MYORG: variants seen among roughly 807,000 people sequenced by gnomAD.
MYORG encodes the protein alpha-galactosidase MYORG.
A neutral mutation model predicts 49.8 loss-of-function variants in MYORG; 45 were observed. That is an observed-to-expected ratio of 0.90 (90% CI 0.71 to 1.16). The LOEUF is 1.16. MYORG is among the 50% of genes most tolerant of loss of function. MYORG has a pLI of 0.00. For missense variants in MYORG, 1,110 were observed against 1,026.5 expected (o/e 1.08, Z -1.11); for synonymous variants, 552 against 462.9 (o/e 1.19, Z -2.47).
Position 34,372,139 on chromosome 9 carries a change from G to T in MYORG, c.805C>A (p.Pro269Thr). ...GGCGCTGCGGCGCGGCCGGCGGGTGGCTTGTAGGGCGTGTCGTGGTAGCGC... is the reference window on the plus strand; with the variant it reads ...GGCGCTGCGGCGCGGCCGGCGGGTGTCTTGTAGGGCGTGTCGTGGTAGCGC... ...QARYHDTPYKPPAGRAAAPEL... is the reference protein window; with the variant it reads ...QARYHDTPYKTPAGRAAAPEL... Residue 269 changes from proline to threonine, a missense_variant, in exon 2 of 2, where the codon CCA becomes ACA. Coordinates refer to ENST00000297625, the MANE Select transcript of MYORG (RefSeq NM_020702.5). 6.2e-7 allele frequency: 1 copy of T among 1,611,776 alleles called. No homozygotes were observed. The highest frequency in any genetic ancestry group is 8.5e-7 in the Non-Finnish European group (1 of 1,179,660).
rs767441935 is a variant in MYORG at position 34,371,788 on chromosome 9, G to T, written c.1156C>A (p.Arg386Ser). 6.2e-7 allele frequency: 1 copy of T among 1,613,922 alleles called. No individual in the cohort carries two copies. The highest frequency in any genetic ancestry group is 8.5e-7 in the Non-Finnish European group (1 of 1,179,814). Residue 386 changes from arginine to serine, a missense_variant, in exon 2 of 2, where the codon CGC becomes AGC. Coordinates refer to ENST00000297625, the MANE Select transcript of MYORG (RefSeq NM_020702.5). ...AAAGGGTGCACCCAGAGCGTGACGC[G>T]GAAGCCGGCGTCGCGCAGGCGGCGG... Reference protein sequence around the residue: ...MFRRLRDAGFRVTLWVHPFVN... With the variant: ...MFRRLRDAGFSVTLWVHPFVN...
At position 34,376,260 on chromosome 9, in the gene MYORG, C is replaced by CTG. The variant is rs1820714349; in HGVS notation, c.-64+531_-64+532dup. On this transcript the variant is annotated intron_variant, in intron 1 of 1. Transcript: ENST00000297625. The surrounding 1 kb of genome is among the most constrained non-coding windows in gnomAD (Gnocchi z 4.4). ...GTACCGGGGCTTTGGGGGAGGAAGT[C>CTG]TGTGGTTCCGGTGTTAACAGTGGTG... is the stretch of plus-strand genomic sequence containing the variant. Among the ~76,000 whole-genome samples, 1 of 152,200 alleles carries CTG rather than the reference C, an allele frequency of 6.6e-6. No individual in the cohort carries two copies. The highest frequency in any genetic ancestry group is 2.4e-5 in the African/African-American group (1 of 41,444).
rs1223552872 is a variant in MYORG at position 34,372,927 on chromosome 9, T to C, written c.17A>G (p.Gln6Arg). The C allele has an allele frequency of 6.2e-7, 1 of 1,613,636 alleles. No homozygotes were observed. The highest frequency in any genetic ancestry group is 8.5e-7 in the Non-Finnish European group (1 of 1,179,736). The change falls in exon 2 of 2, where the codon CAG (glutamine) becomes CGG (arginine). Residue 6 changes from glutamine to arginine, a missense_variant. Physicochemically the swap from Gln to Arg is conservative, Grantham distance 43 (BLOSUM62 1). Coordinates refer to ENST00000297625, the MANE Select transcript of MYORG (RefSeq NM_020702.5). MLQNP[Q>R]EKSQAYPRRR... The stretch of plus-strand genomic sequence containing the variant: ...GCGGGGGTAGGCCTGGCTCTTCTCC[T>C]GAGGGTTCTGGAGCATTAGTGGGCT...
chr9:34,372,166 C>T lies in MYORG; in HGVS notation c.778G>A (p.Ala260Thr), dbSNP rs1171268742. The part of the protein sequence containing the change: ...NSTERSLRLQ[A>T]RYHDTPYKPP... The stretch of plus-strand genomic sequence containing the variant: ...TTGTAGGGCGTGTCGTGGTAGCGCG[C>T]CTGAAGCCGCAGCGAGCGCTCCGTG... The change falls in exon 2 of 2, where the codon GCG becomes ACG. Residue 260 changes from alanine to threonine, a missense_variant. Transcript: ENST00000297625. The T allele has an allele frequency of 6.2e-7, 1 of 1,610,996 alleles. No individual in the cohort carries two copies. Among genetic ancestry groups the T allele is most frequent in the Non-Finnish European group, 8.5e-7 (1 of 1,179,270 alleles).
Position 34,369,052 on chromosome 9 carries a change from A to G in MYORG, c.*1747T>C, listed in dbSNP as rs1013605745. ...AGCAAAAGGGGAAACCTCTTATAAA[A>G]TCATCAGCTCTCATGAGATCTATTC... On this transcript the variant is annotated 3_prime_UTR_variant, in exon 2 of 2. Coordinates refer to ENST00000297625, the MANE Select transcript of MYORG (RefSeq NM_020702.5). 1 of 152,228 alleles carries G rather than the reference A, an allele frequency of 6.6e-6. No individual in the cohort carries two copies. Among genetic ancestry groups the G allele is most frequent in the Admixed American group, 6.5e-5 (1 of 15,286 alleles). 9.4% of individuals were successfully genotyped at this position (152,228 alleles called of 1,614,324 possible). A position where few individuals can be genotyped will look rare whatever the true frequency, so the allele number is the denominator to read the frequency against.
chr9:34,371,802 C>A lies in MYORG; in HGVS notation c.1142G>T (p.Arg381Leu), dbSNP rs1231067348. Residue 381 changes from arginine to leucine, a missense_variant, in exon 2 of 2, where the codon CGC (arginine) becomes CTC (leucine). Physicochemically the swap from Arg to Leu is moderately radical, Grantham distance 102 (BLOSUM62 -2). Transcript: ENST00000297625. The stretch of plus-strand genomic sequence containing the variant: ...GAGCGTGACGCGGAAGCCGGCGTCG[C>A]GCAGGCGGCGGAACATGTCGCTGGC... ...PNASDMFRRL[R>L]DAGFRVTLWV... is the part of the protein sequence containing the mutation. The A allele has an allele frequency of 1.9e-6, 3 of 1,613,870 alleles. No individual in the cohort carries two copies. The Admixed American group carries it at 5.0e-5, about 27-fold the overall frequency.
chr9:34,367,725 C>G lies in MYORG; in HGVS notation c.*3074G>C, dbSNP rs1820521933. 6.6e-6 allele frequency: 1 copy of G among 152,274 alleles called. No individual in the cohort carries two copies. The highest frequency in any genetic ancestry group is 1.5e-5 in the Non-Finnish European group (1 of 68,106). 9.4% of individuals were successfully genotyped at this position (152,274 alleles called of 1,614,324 possible). A position where few individuals can be genotyped will look rare whatever the true frequency, so the allele number is the denominator to read the frequency against. On this transcript the variant is annotated 3_prime_UTR_variant, in exon 2 of 2. Transcript: ENST00000297625. ...ACCCCTATGGCATTGCAGGGTACAG[C>G]CTACTTCTCGGTTGCTTTTACAGGC...
In MYORG at chr9:34,372,587, C is replaced by T. The variant is rs774344202; in HGVS notation, c.357G>A (p.Ala119=). The T allele has an allele frequency of 3.7e-6, 6 of 1,602,012 alleles. No homozygotes were observed. The highest frequency in any genetic ancestry group is 5.1e-6 in the Non-Finnish European group (6 of 1,174,896). Residue 119 remains alanine (A), a synonymous_variant, in exon 2 of 2, where the codon GCG becomes GCA. Coordinates refer to ENST00000297625, the MANE Select transcript of MYORG (RefSeq NM_020702.5). ...QVFRLAFRSG[A]LDLDSCSRDG... is the part of the protein sequence containing the mutation. ...CGCGGCTGCAGGAGTCAAGGTCCAG[C>T]GCGCCGGAGCGGAAGGCCAGGCGGA... is the stretch of plus-strand genomic sequence containing the variant.
rs900633992 is a variant in MYORG at position 34,367,037 on chromosome 9, A to C, written c.*3762T>G. The C allele has an allele frequency of 1.3e-5, 2 of 152,758 alleles. No homozygotes were observed. The highest frequency in any genetic ancestry group is 4.8e-5 in the African/African-American group (2 of 41,478). The allele number at this position is 152,758 out of a possible 1,614,324, so 9.5% of individuals were successfully genotyped here. On this transcript the variant is annotated 3_prime_UTR_variant, in exon 2 of 2. Transcript: ENST00000297625. The stretch of plus-strand genomic sequence containing the variant: ...AGAGGTTTAATGAACTCACAGTTCC[A>C]TGTGGCTGGGAGGCCTCACAATCAT...
In MYORG at chr9:34,372,680, A is replaced by C; in HGVS notation, c.264T>G (p.Leu88=). ...YSVSLRKAER[L]RAELLDLKAG... Reference sequence around the variant, plus strand: ...CTTTCAGGTCCAGCAGCTCCGCGCGAAGTCGCTCCGCCTTGCGTAGGGAGA... The same window carrying C: ...CTTTCAGGTCCAGCAGCTCCGCGCGCAGTCGCTCCGCCTTGCGTAGGGAGA... Residue 88 remains leucine (L), a synonymous_variant, in exon 2 of 2, where the codon CTT becomes CTG. Transcript: ENST00000297625. 1 of 1,609,802 alleles carries C rather than the reference A, an allele frequency of 6.2e-7. No individual in the cohort carries two copies. The highest frequency in any genetic ancestry group is 8.5e-7 in the Non-Finnish European group (1 of 1,178,146).
In MYORG at chr9:34,370,964, C is replaced by A. The variant is rs781663487; in HGVS notation, c.1980G>T (p.Leu660=). The part of the protein sequence containing the change: ...IDSQFLIGDT[L]LVAPVLEPGK... Reference sequence around the variant, plus strand: ...CTGGCTCCAGCACCGGGGCCACAAGCAGCGTGTCCCCAATAAGGAACTGCG... The same window carrying A: ...CTGGCTCCAGCACCGGGGCCACAAGAAGCGTGTCCCCAATAAGGAACTGCG... Residue 660 remains leucine (L), a synonymous_variant, in exon 2 of 2, where the codon CTG becomes CTT. Transcript: ENST00000297625. 6.2e-7 allele frequency: 1 copy of A among 1,613,586 alleles called. No homozygotes were observed. Among genetic ancestry groups the A allele is most frequent in the Admixed American group, 1.7e-5 (1 of 60,036 alleles).
Position 34,371,849 on chromosome 9 carries a change from G to C in MYORG, c.1095C>G (p.Phe365Leu). Residue 365 changes from phenylalanine to leucine, a missense_variant, in exon 2 of 2, where the codon TTC (phenylalanine) becomes TTG (leucine). Physicochemically the swap from Phe to Leu is conservative, Grantham distance 22. Coordinates refer to ENST00000297625, the MANE Select transcript of MYORG (RefSeq NM_020702.5). Reference protein sequence around the residue: ...MYTPAYGDFDFDEVKFPNASD... With the variant: ...MYTPAYGDFDLDEVKFPNASD... ...TGGCGTTGGGGAATTTGACCTCATC[G>C]AAGTCGAAGTCGCCATAAGCAGGTG... is the stretch of plus-strand genomic sequence containing the variant. The C allele has an allele frequency of 3.1e-6, 5 of 1,614,050 alleles. No homozygotes were observed. Among genetic ancestry groups the C allele is most frequent in the Non-Finnish European group, 4.2e-6 (5 of 1,179,872 alleles).
intron 1 of MYORG, among the ~76,000 whole-genome samples, chr9:34,373,775 C>T (rs539392109): frequency 6.0e-4 from 92 of 152,242 alleles, no homozygotes; most frequent in African/African-American, 2.0e-3. Context: ...TTTAACAGGG[C>T]GGTAGGCTAG....
At position 34,371,025 on chromosome 9, in the gene MYORG, A is replaced by G. The variant is rs1563981188; in HGVS notation, c.1919T>C (p.Ile640Thr). ...GTGAGCTGTCTCGTCGCCGGGCGCA[A>G]TCCACCAAAGGGGGCGCACGATAGG... ...GDPIVRPLWW[I>T]APGDETAHRI... The change falls in exon 2 of 2, where the codon ATT (isoleucine) becomes ACT (threonine). Residue 640 changes from isoleucine to threonine, a missense_variant. Coordinates refer to ENST00000297625, the MANE Select transcript of MYORG (RefSeq NM_020702.5). 1 of 1,613,136 alleles carries G rather than the reference A, an allele frequency of 6.2e-7. No homozygotes were observed. Among genetic ancestry groups the G allele is most frequent in the Non-Finnish European group, 8.5e-7 (1 of 1,179,852 alleles).
Position 34,372,617 on chromosome 9 carries a change from C to T in MYORG, c.327G>A (p.Gln109=), listed in dbSNP as rs552439888. ...GFSIRNQKGE[Q]VFRLAFRSGA... is the part of the protein sequence containing the mutation. The stretch of plus-strand genomic sequence containing the variant: ...CGGAGCGGAAGGCCAGGCGGAAGAC[C>T]TGCTCTCCCTTCTGATTGCGGATGG... Residue 109 remains glutamine, a synonymous_variant, in exon 2 of 2, where the codon CAG becomes CAA. Coordinates refer to ENST00000297625, the MANE Select transcript of MYORG (RefSeq NM_020702.5). 2.6e-4 allele frequency: 418 copies of T among 1,605,568 alleles called. No individual in the cohort carries two copies. Among genetic ancestry groups the T allele is most frequent in the Admixed American group, 3.6e-4 (21 of 58,804 alleles).
In MYORG at chr9:34,371,546, C is replaced by G. The variant is rs1820599100; in HGVS notation, c.1398G>C (p.Glu466Asp). 6.2e-7 allele frequency: 1 copy of G among 1,605,800 alleles called. No individual in the cohort carries two copies. The highest frequency in any genetic ancestry group is 8.5e-7 in the Non-Finnish European group (1 of 1,179,206). ...TGAAGTCCCGCGGCAGGTAGCTGAC[C>G]TCGCCCGCGTCGAACTTGAAGGAAG... ...SVASFKFDAG[E>D]VSYLPRDFST... Residue 466 changes from glutamate to aspartate, a missense_variant, in exon 2 of 2, where the codon GAG becomes GAC. Glu to Asp is a conservative substitution (Grantham distance 45). Coordinates refer to ENST00000297625, the MANE Select transcript of MYORG (RefSeq NM_020702.5).
chr9:34,370,863 G>A lies in MYORG; in HGVS notation c.2081C>T (p.Pro694Leu). 6.2e-7 allele frequency: 1 copy of A among 1,606,816 alleles called. No homozygotes were observed. Among genetic ancestry groups the A allele is most frequent in the Non-Finnish European group, 8.5e-7 (1 of 1,174,132 alleles). ...SYKGELFDKT[P>L]VLLTDYPVDL... ...GACCGGGTAATCGGTGAGCAGCACCGGCGTCTTGTCGAAAAGCTCACCCTT... is the reference window on the plus strand; with the variant it reads ...GACCGGGTAATCGGTGAGCAGCACCAGCGTCTTGTCGAAAAGCTCACCCTT... Residue 694 changes from proline to leucine, a missense_variant, in exon 2 of 2, where the codon CCG (proline) becomes CTG (leucine). Pro to Leu is a moderately conservative substitution (Grantham distance 98). Transcript: ENST00000297625.
Position 34,371,731 on chromosome 9 carries a change from C to T in MYORG, c.1213G>A (p.Gly405Ser). 1.2e-6 allele frequency: 2 copies of T among 1,612,520 alleles called. No homozygotes were observed. The highest frequency in any genetic ancestry group is 1.7e-6 in the Non-Finnish European group (2 of 1,179,350). The change falls in exon 2 of 2, where the codon GGC (glycine) becomes AGC (serine). Residue 405 changes from glycine to serine, a missense_variant. By Grantham distance (56) the Gly-to-Ser change is moderately conservative. Transcript: ENST00000297625. The part of the protein sequence containing the change: ...VNYNSSRFGE[G>S]VERELFVREP... ...CGCACGAACAGCTCGCGCTCCACGC[C>T]CTCGCCGAAGCGCGACGAGTTGTAG... is the stretch of plus-strand genomic sequence containing the variant.
At position 34,371,933 on chromosome 9, in the gene MYORG, G is replaced by C; in HGVS notation, c.1011C>G (p.Ala337=). The C allele has an allele frequency of 1.2e-6, 2 of 1,614,048 alleles. No homozygotes were observed. The highest frequency in any genetic ancestry group is 1.7e-6 in the Non-Finnish European group (2 of 1,179,884). The part of the protein sequence containing the change: ...AVDQDKVLRF[A]QQIRLHHFNS... ...TGAAGTGGTGCAGGCGGATCTGTTG[G>C]GCAAAACGCAGCACCTTGTCCTGGT... Residue 337 remains alanine (A), a synonymous_variant, in exon 2 of 2, where the codon GCC becomes GCG. Transcript: ENST00000297625.
Sources: allele counts gnomAD v4.1 joint callset (sites outside exome capture counted in the v4.1 genomes callset), GRCh38; gene constraint gnomAD v4.1.1; non-coding constraint Gnocchi (gnomAD v3.1); transcripts MANE v1.5; gene names NCBI Gene and HGNC (gene_info 2026-07-23, HGNC 2026-07-21).